Variants in HNF1A observed in about 807,000 individuals in gnomAD.
HNF1A encodes the protein hepatocyte nuclear factor 1-alpha.
A neutral mutation model predicts 62.2 loss-of-function variants in HNF1A; 21 were observed. That is an observed-to-expected ratio of 0.34 (90% confidence interval 0.24 to 0.49). The LOEUF (loss-of-function observed/expected upper bound fraction) is 0.49. HNF1A is among the 20% of genes least tolerant of loss of function. The probability of loss-of-function intolerance (pLI) is 0.99; values close to 1 mark genes in which losing one functional copy is unlikely to be tolerated. For missense variants in HNF1A, 687 were observed against 832.3 expected (o/e 0.83, Z 2.15); for synonymous variants, 374 against 366.8 (o/e 1.02, Z -0.22).
Position 120,988,956 on chromosome 12 carries a change from G to T in HNF1A, c.450G>T (p.Lys150Asn). The T allele has an allele frequency of 6.2e-7, 1 of 1,614,214 alleles. No individual in the cohort carries two copies. Among genetic ancestry groups the T allele is most frequent in the Non-Finnish European group, 8.5e-7 (1 of 1,180,046 alleles). The change falls in exon 2 of 10, where the codon AAG (lysine) becomes AAT (asparagine). Residue 150 changes from lysine to asparagine, a missense_variant. This residue lies in a region of HNF1A where 26 missense variants were observed against 60.7 expected (regional missense o/e 0.43). Transcript: ENST00000257555. ...CCCACCTGTCCCAACACCTCAACAA[G>T]GGCACTCCCATGAAGACGCAGAAGC... Reference protein sequence around the residue: ...NQSHLSQHLNKGTPMKTQKRA... With the variant: ...NQSHLSQHLNNGTPMKTQKRA...
rs771805666 is a variant in HNF1A at position 120,996,374 on chromosome 12, G to A, written c.1068G>A (p.Leu356=). The A allele has an allele frequency of 4.3e-5, 70 of 1,614,078 alleles. No homozygotes were observed. The highest frequency in any genetic ancestry group is 5.9e-5 in the Non-Finnish European group (70 of 1,180,032). Residue 356 remains leucine, a synonymous_variant, in exon 5 of 10, where the codon CTG becomes CTA. Transcript: ENST00000257555. The surrounding 1 kb of genome is among the most constrained non-coding windows in gnomAD (Gnocchi z 4.5). ...TCCACCAAGTGTCCCCCACGGGCCTGGAGCCCAGCCACAGCCTGCTGAGTA... is the reference window on the plus strand; with the variant it reads ...TCCACCAAGTGTCCCCCACGGGCCTAGAGCCCAGCCACAGCCTGCTGAGTA... ...TPLHQVSPTG[L]EPSHSLLSTE... is the part of the protein sequence containing the mutation.
intron 2 of HNF1A, among the ~76,000 whole-genome samples, chr12:120,991,780 T>C (rs1297050014): frequency 6.6e-6 from 1 of 152,206 alleles, no homozygotes; most frequent in East Asian, 1.9e-4. Context: ...CTATTTTAAT[T>C]TGTATGAGAA....
In HNF1A at chr12:120,994,331, G is replaced by T; in HGVS notation, c.881G>T (p.Gly294Val). The T allele has an allele frequency of 6.2e-7, 1 of 1,608,006 alleles. No homozygotes were observed. Among genetic ancestry groups the T allele is most frequent in the Non-Finnish European group, 8.5e-7 (1 of 1,177,678 alleles). ...DTYSGPPPGPGPGPALPAHSS... is the reference protein window; with the variant it reads ...DTYSGPPPGPVPGPALPAHSS... The stretch of plus-strand genomic sequence containing the variant: ...TACAGCGGGCCCCCCCCAGGGCCAG[G>T]CCCGGGACCTGCGCTGCCCGCTCAC... Residue 294 changes from glycine to valine, a missense_variant, in exon 4 of 10, where the codon GGC becomes GTC. Around this residue, in one of 5 missense-constraint regions of HNF1A, gnomAD observed 408 missense variants for 455.3 expected, o/e 0.90. Coordinates refer to ENST00000257555, the MANE Select transcript of HNF1A (RefSeq NM_000545.8).
At chr12:120,995,914 A>T (rs1877076079) in intron 4 of HNF1A, among the ~76,000 whole-genome samples, 1 of 152,186 alleles carries the variant, frequency 6.6e-6, no homozygotes, top group South Asian at 2.1e-4. Flanking sequence ...GGTTAATTCA[A>T]TTCAATTCAT....
intron 4 of HNF1A, among the ~76,000 whole-genome samples, chr12:120,995,544 C>A (rs980769430): frequency 6.6e-6 from 1 of 152,026 alleles, no homozygotes; most frequent in African/African-American, 2.4e-5. Context: ...CTATACCATT[C>A]CACTCCACTC....
At chr12:120,999,430 G>C in intron 8 of HNF1A, 41 bp downstream of exon 8, 1 of 1,613,668 alleles carries the variant, frequency 6.2e-7, no homozygotes, top group Non-Finnish European at 8.5e-7. Flanking sequence ...GCCTGTGACA[G>C]AGCCCCTCAC....
intron 1 of HNF1A, among the ~76,000 whole-genome samples, chr12:120,981,520 C>T (rs1425424652): frequency 6.6e-6 from 1 of 152,226 alleles, no homozygotes; most frequent in African/African-American, 2.4e-5. Flanking sequence ...CTTCCCAGGT[C>T]TTTCTCTTCC....
At chr12:120,991,760 C>T (rs1876853849) in intron 2 of HNF1A, among the ~76,000 whole-genome samples, 1 of 152,184 alleles carries the variant, frequency 6.6e-6, no homozygotes, top group Non-Finnish European at 1.5e-5. Flanking sequence ...AAAAACAGTA[C>T]ATTTTAATAC....
At chr12:120,982,328 C>A (rs1477713756) in intron 1 of HNF1A, among the ~76,000 whole-genome samples, 1 of 152,150 alleles carries the variant, frequency 6.6e-6, no homozygotes, top group Non-Finnish European at 1.5e-5. Context: ...CCTCGGCCTC[C>A]CAAAGTGCTG....
chr12:120,997,760 T>A, intron 7 of HNF1A, 95 bp downstream of exon 7: 1 of 1,274,714 alleles, frequency 7.8e-7, no homozygotes, highest in African/African-American at 1.5e-5. Context: ...CATTGCAGTC[T>A]GCATGTGTCT....
At chr12:120,993,014 G>A (rs1205497218) in intron 2 of HNF1A, among the ~76,000 whole-genome samples, 1 of 152,202 alleles carries the variant, frequency 6.6e-6, no homozygotes, top group African/African-American at 2.4e-5. Flanking sequence ...ACCAGCTGAT[G>A]AAGGCTGGCT....
At position 120,978,950 on chromosome 12, in the gene HNF1A, C is replaced by T; in HGVS notation, c.182C>T (p.Pro61Leu). The T allele has an allele frequency of 6.2e-7, 1 of 1,609,346 alleles. No homozygotes were observed. The highest frequency in any genetic ancestry group is 1.1e-5 in the South Asian group (1 of 90,520). ...GGTCGAGGGGAGCTGGCTGAGCTGC[C>T]CAATGGGCTGGGGGAGACTCGGGGC... is the stretch of plus-strand genomic sequence containing the variant. ...GGGRGELAEL[P>L]NGLGETRGSE... is the part of the protein sequence containing the mutation. Residue 61 changes from proline (P) to leucine (L), a missense_variant, in exon 1 of 10, where the codon CCC (proline) becomes CTC (leucine). Pro to Leu is a moderately conservative substitution (Grantham distance 98, BLOSUM62 -3). Coordinates refer to ENST00000257555, the MANE Select transcript of HNF1A (RefSeq NM_000545.8).
At position 120,978,805 on chromosome 12, in the gene HNF1A, C is replaced by T; in HGVS notation, c.37C>T (p.Leu13=). Residue 13 remains leucine, a synonymous_variant, in exon 1 of 10, where the codon CTG becomes TTG. Coordinates refer to ENST00000257555, the MANE Select transcript of HNF1A (RefSeq NM_000545.8). ...SKLSQLQTEL[L]AALLESGLSK... Reference sequence around the variant, plus strand: ...ACTGAGCCAGCTGCAGACGGAGCTCCTGGCGGCCCTGCTCGAGTCAGGGCT... The same window carrying T: ...ACTGAGCCAGCTGCAGACGGAGCTCTTGGCGGCCCTGCTCGAGTCAGGGCT... 1 of 1,613,094 alleles carries T rather than the reference C, an allele frequency of 6.2e-7. No individual in the cohort carries two copies. Among genetic ancestry groups the T allele is most frequent in the Non-Finnish European group, 8.5e-7 (1 of 1,179,864 alleles).
At chr12:120,998,052 G>C in intron 7 of HNF1A, 1 of 473,230 alleles carries the variant, frequency 2.1e-6, no homozygotes, top group Admixed American at 3.3e-5. Context: ...GGCCGAGGTG[G>C]GCAGATCACT....
At chr12:120,986,909 T>C (rs1876538450) in intron 1 of HNF1A, among the ~76,000 whole-genome samples, 1 of 151,986 alleles carries the variant, frequency 6.6e-6, no homozygotes, top group African/African-American at 2.4e-5. Context: ...ATATTGGTAA[T>C]ATAAGTTCAG....
intron 2 of HNF1A, among the ~76,000 whole-genome samples, chr12:120,993,311 T>C (rs1876920723): frequency 2.6e-5 from 4 of 152,206 alleles, no homozygotes; most frequent in Non-Finnish European, 5.9e-5. Flanking sequence ...GATTGATTAG[T>C]GATGTTTGCC....
At chr12:120,994,989 C>T (rs1267755542) in intron 4 of HNF1A, among the ~76,000 whole-genome samples, 2 of 151,402 alleles carry the variant, frequency 1.3e-5, no homozygotes, top group Non-Finnish European at 2.9e-5. Context: ...TTCAACTCCA[C>T]TCCATCCACT....
At chr12:120,987,760 G>C (rs1876589170) in intron 1 of HNF1A, among the ~76,000 whole-genome samples, 1 of 127,478 alleles carries the variant, frequency 7.8e-6, no homozygotes, top group African/African-American at 3.1e-5. Context: ...AAGTCACAAA[G>C]TTGATCTATC....
intron 9 of HNF1A, 140 bp downstream of exon 9, chr12:120,999,767 G>T: frequency 1.7e-6 from 2 of 1,173,556 alleles, no homozygotes; most frequent in Non-Finnish European, 2.3e-6. Flanking sequence ...ACTGGCAGGC[G>T]TGGAGGGGTG....
Sources: gnomAD v4.1 joint callset for allele counts (sites outside exome capture counted in the v4.1 genomes callset) on GRCh38, gnomAD v4.1.1 for gene constraint, gnomAD v4.1.1 regional missense constraint, Gnocchi (gnomAD v3.1) non-coding constraint, MANE v1.5 for transcripts, NCBI Gene and HGNC (gene_info 2026-07-23, HGNC 2026-07-21) for gene names.